THADA: variants seen among roughly 807,000 people sequenced by gnomAD.
THADA encodes the protein tRNA (32-2'-O)-methyltransferase regulator THADA.
THADA carries 213 observed loss-of-function variants against 219.8 expected under a neutral mutation model. That is an observed-to-expected ratio of 0.97 (90% CI 0.87 to 1.09). THADA has a LOEUF of 1.09. Among genes scored for constraint, THADA ranks in the 50% least tolerant of loss-of-function variants. The pLI, the probability that THADA is intolerant of heterozygous loss-of-function variation, is 0.00. For synonymous variants in THADA, 1,018 were observed against 828.9 expected, an observed-to-expected ratio of 1.23 and a Z score of -3.92; for missense variants, 2,956 against 2,311.3, an observed-to-expected ratio of 1.28 and a Z score of -5.72.
At chr2:43,367,653 G>C (rs1670318014) in intron 29 of THADA, among the ~76,000 whole-genome samples, 1 of 152,190 alleles carries the variant, frequency 6.6e-6, no homozygotes, top group South Asian at 2.1e-4. Context: ...CAAGGTACAA[G>C]ATTGTAGTAA....
intron 7 of THADA, among the ~76,000 whole-genome samples, chr2:43,583,256 T>C (rs927185362): frequency 6.6e-6 from 1 of 152,204 alleles, no homozygotes; most frequent in Non-Finnish European, 1.5e-5. Flanking sequence ...TACAAAAACA[T>C]TGTAATCATC....
intron 21 of THADA, among the ~76,000 whole-genome samples, chr2:43,531,277 G>C (rs1009288829): frequency 3.3e-5 from 5 of 152,224 alleles, no homozygotes; most frequent in African/African-American, 1.2e-4. Flanking sequence ...GGACCAAAAT[G>C]AAAGAGGGTA....
chr2:43,580,203 G>A (rs1344657786), intron 8 of THADA, among the ~76,000 whole-genome samples: 1 of 142,714 alleles, frequency 7.0e-6, no homozygotes, highest in Non-Finnish European at 1.5e-5. Context: ...GTTTTTTTTT[G>A]TATTTTAGTT....
intron 30 of THADA, among the ~76,000 whole-genome samples, chr2:43,332,071 T>G (rs942334156): frequency 1.3e-5 from 2 of 152,204 alleles, no homozygotes; most frequent in Non-Finnish European, 2.9e-5. Flanking sequence ...GTCTCCAATC[T>G]GAGACAATTA....
intron 26 of THADA, among the ~76,000 whole-genome samples, chr2:43,465,407 G>A (rs1480976866): frequency 1.3e-5 from 2 of 151,886 alleles, no homozygotes; most frequent in African/African-American, 4.8e-5. Flanking sequence ...GCTGGGTAGA[G>A]TCTCACACAG....
At chr2:43,370,519 A>AT (rs1558652801) in intron 29 of THADA, among the ~76,000 whole-genome samples, 1 of 152,250 alleles carries the variant, frequency 6.6e-6, no homozygotes, top group Non-Finnish European at 1.5e-5. Context: ...CATTTGAAAC[A>AT]TAAAGATCAT....
At chr2:43,242,183 C>CT (rs1447553575) in intron 36 of THADA, among the ~76,000 whole-genome samples, 1 of 152,222 alleles carries the variant, frequency 6.6e-6, no homozygotes, top group Admixed American at 6.5e-5. Context: ...AACCCTGTGT[C>CT]TTTCCTTTCC....
intron 26 of THADA, among the ~76,000 whole-genome samples, chr2:43,440,018 T>G (rs921542912): frequency 6.6e-6 from 1 of 152,240 alleles, no homozygotes; most frequent in African/African-American, 2.4e-5. Context: ...TTTTTATTTA[T>G]TAGATATTTT....
intron 28 of THADA, among the ~76,000 whole-genome samples, chr2:43,425,226 A>G (rs924986694): frequency 6.6e-6 from 1 of 152,192 alleles, no homozygotes; most frequent in Non-Finnish European, 1.5e-5. Context: ...GAGGGTGATA[A>G]CACCTCTTCT....
At position 43,286,929 on chromosome 2, in the gene THADA, T is replaced by G; in HGVS notation, c.5143A>C (p.Thr1715Pro). The change falls in exon 35 of 38, where the codon ACC (threonine) becomes CCC (proline). Residue 1715 changes from threonine (T) to proline (P), a missense_variant. Thr to Pro is a conservative substitution (Grantham distance 38). Transcript: ENST00000405975. ...VLTSTTPLFL[T>P]NPHPILELQD... ...TTACCAAGAATAGGATGGGGGTTGGTGAGGAAAAGTGGTGTAGTACTGGTG... is the reference window on the plus strand; with the variant it reads ...TTACCAAGAATAGGATGGGGGTTGGGGAGGAAAAGTGGTGTAGTACTGGTG... The G allele has an allele frequency of 6.2e-7, 1 of 1,612,718 alleles. No individual in the cohort carries two copies. Among genetic ancestry groups the G allele is most frequent in the African/African-American group, 1.3e-5 (1 of 74,982 alleles).
At chr2:43,391,012 G>A (rs1673309023) in intron 29 of THADA, among the ~76,000 whole-genome samples, 1 of 152,076 alleles carries the variant, frequency 6.6e-6, no homozygotes, top group Admixed American at 6.5e-5. Context: ...TCTCAGTTTT[G>A]CTTTTTACCA....
At chr2:43,535,638 C>A (rs1437499306) in intron 21 of THADA, among the ~76,000 whole-genome samples, 4 of 134,614 alleles carry the variant, frequency 3.0e-5, no homozygotes, top group Non-Finnish European at 4.6e-5. Context: ...CCCGAGACAG[C>A]GCCACTGCAC....
chr2:43,395,369 A>G (rs919321002), intron 29 of THADA, among the ~76,000 whole-genome samples: 11 of 152,252 alleles, frequency 7.2e-5, no homozygotes, highest in African/African-American at 2.7e-4. Flanking sequence ...AGAGCAAATG[A>G]TAATTTTTGA....
chr2:43,301,500 C>A (rs1294633230), intron 31 of THADA, among the ~76,000 whole-genome samples: 1 of 152,146 alleles, frequency 6.6e-6, no homozygotes, highest in Non-Finnish European at 1.5e-5. Context: ...TGGGTGGGGA[C>A]CACAGGAACC....
intron 4 of THADA, 94 bp from the exon 5 acceptor site, chr2:43,587,096 A>G: frequency 7.7e-7 from 1 of 1,294,934 alleles, no homozygotes; most frequent in South Asian, 1.4e-5. Context: ...GGAATACTGA[A>G]CTAAATCTTC....
chr2:43,502,782 G>T (rs1689168268), intron 24 of THADA, among the ~76,000 whole-genome samples: 1 of 151,730 alleles, frequency 6.6e-6, no homozygotes, highest in Non-Finnish European at 1.5e-5. Flanking sequence ...AGAAAACATA[G>T]TTTGGGAGAA....
At chr2:43,254,736 T>C (rs1670136423) in intron 36 of THADA, among the ~76,000 whole-genome samples, 1 of 152,228 alleles carries the variant, frequency 6.6e-6, no homozygotes, top group Non-Finnish European at 1.5e-5. Context: ...GACAAATGTT[T>C]GTTGGATAAA....
intron 15 of THADA, among the ~76,000 whole-genome samples, chr2:43,561,642 C>T (rs975861037): frequency 6.6e-6 from 1 of 152,154 alleles, no homozygotes; most frequent in African/African-American, 2.4e-5. Flanking sequence ...TTAGAACAAC[C>T]CTATGAAATT....
chr2:43,520,713 T>TACACAC (rs145550774), intron 22 of THADA, among the ~76,000 whole-genome samples: 33 of 125,048 alleles, frequency 2.6e-4, no homozygotes, highest in African/African-American at 8.9e-4. Context: ...TATATATATA[T>TACACAC]ACACACACAC....
Sources: gnomAD v4.1 joint callset for allele counts (sites outside exome capture counted in the v4.1 genomes callset) on GRCh38, gnomAD v4.1.1 for gene constraint, MANE v1.5 for transcripts, NCBI Gene and HGNC (gene_info 2026-07-23, HGNC 2026-07-21) for gene names.